The following LRP1B variants were observed in gnomAD, a reference collection of about 807,000 sequenced individuals.
LRP1B encodes LDL receptor related protein 1B, also known as low-density lipoprotein receptor-related protein 1B.
Under a neutral mutation model 556.6 loss-of-function variants are expected in LRP1B, and 217 were observed. The ratio of observed to expected loss-of-function variants is 0.39; its 90% CI spans 0.35 to 0.44. The LOEUF (loss-of-function observed/expected upper bound fraction) is 0.44. Among genes scored for constraint, LRP1B ranks in the 20% least tolerant of loss-of-function variants. The probability of loss-of-function intolerance (pLI) is 1.00; values close to 1 mark genes in which losing one functional copy is unlikely to be tolerated. For synonymous variants in LRP1B, 2,047 were observed against 1,865.8 expected (o/e 1.10, Z -2.50); for missense variants, 5,053 against 5,620.8 (o/e 0.90, Z 3.23).
intron 2 of LRP1B, among the ~76,000 whole-genome samples, chr2:141,570,469 T>C (rs1166988187): frequency 6.6e-6 from 1 of 151,240 alleles, no homozygotes; most frequent in Non-Finnish European, 1.5e-5. Context: ...GTCCCAACCT[T>C]GGATGGCACA....
chr2:140,824,935 C>A (rs531106468), intron 31 of LRP1B, among the ~76,000 whole-genome samples: 1 of 152,046 alleles, frequency 6.6e-6, no homozygotes, highest in African/African-American at 2.4e-5. Context: ...TACTTATGTG[C>A]CAAAATTGTG....
Position 141,679,041 on chromosome 2 carries a change from A to G in LRP1B, c.205+131238T>C, listed in dbSNP as rs78054565. ...TTTCTAACTCTCTTGCTTGCTTTGA[A>G]TGAAACCAACTGCCATATTGTCAGC... On this transcript the variant is annotated intron_variant, in intron 2 of 90. Transcript: ENST00000389484. 1.1e-3 allele frequency among the ~76,000 whole-genome samples: 171 copies of G among 152,290 alleles called. 5 individuals are homozygous for G. The East Asian group carries it at 0.032, about 28-fold the overall frequency.
chr2:140,703,482 G>C (rs908989146), intron 37 of LRP1B, among the ~76,000 whole-genome samples: 4 of 152,062 alleles, frequency 2.6e-5, no homozygotes. Context: ...TTAATTTGAA[G>C]TTACATCTAC....
At chr2:140,693,985 G>A (rs1686335754) in intron 41 of LRP1B, among the ~76,000 whole-genome samples, 1 of 152,180 alleles carries the variant, frequency 6.6e-6, no homozygotes, top group African/African-American at 2.4e-5. Flanking sequence ...CGGGATTACA[G>A]GCATGAGCCA....
intron 6 of LRP1B, among the ~76,000 whole-genome samples, chr2:141,210,042 C>A (rs1472109159): frequency 6.6e-6 from 1 of 151,240 alleles, no homozygotes; most frequent in African/African-American, 2.4e-5. Flanking sequence ...TTAAAATAAA[C>A]CTATAAGTCA....
intron 18 of LRP1B, among the ~76,000 whole-genome samples, chr2:140,981,897 T>C (rs1211397819): frequency 6.6e-6 from 1 of 152,162 alleles, no homozygotes; most frequent in Non-Finnish European, 1.5e-5. Context: ...AGCCGCGTAA[T>C]AACCACTTCC....
chr2:141,201,413 TCA>T (rs765189275), intron 6 of LRP1B, among the ~76,000 whole-genome samples: 1 of 152,092 alleles, frequency 6.6e-6, no homozygotes, highest in Admixed American at 6.6e-5. Context: ...ATTTTCTGAC[TCA>T]CAGTCATGGA....
rs370749129 is a variant in LRP1B, at chr2:140,429,394, C to A, written c.10414+13110G>T. On this transcript the variant is annotated intron_variant, in intron 66 of 90. Coordinates refer to ENST00000389484, the MANE Select transcript of LRP1B (RefSeq NM_018557.3). ...TATTCTGTTCTGGATCTCAAACATG[C>A]TTTCTTTACTATTCCTTTGCACCCT... Among the ~76,000 whole-genome samples the A allele has an allele frequency of 5.3e-5, 8 of 152,236 alleles. 1 individual carries two copies. Among genetic ancestry groups the A allele is most frequent in the African/African-American group, 1.9e-4 (8 of 41,524 alleles).
intron 43 of LRP1B, among the ~76,000 whole-genome samples, chr2:140,555,859 T>G (rs1680712655): frequency 6.6e-6 from 1 of 152,146 alleles, no homozygotes; most frequent in African/African-American, 2.4e-5. Flanking sequence ...TGAAAAGTTC[T>G]ACTAAGGGTA....
At position 141,937,909 on chromosome 2, in the gene LRP1B, A is replaced by G. The variant is rs185596705; in HGVS notation, c.83-127508T>C. ...GATCCAGTTTCATTCTTTTGCCTGT[A>G]GATAATCCAGTTTTCCTGAAACAAT... On this transcript the variant is annotated intron_variant, in intron 1 of 90. Transcript: ENST00000389484. Among the ~76,000 whole-genome samples, 12 of 152,276 alleles carry G rather than the reference A, an allele frequency of 7.9e-5. No individual in the cohort carries two copies. In the East Asian group the frequency reaches 2.1e-3, roughly 27 times the overall value.
At chr2:140,838,586 C>T (rs1317349197) in intron 31 of LRP1B, among the ~76,000 whole-genome samples, 1 of 152,060 alleles carries the variant, frequency 6.6e-6, no homozygotes, top group Admixed American at 6.6e-5. Context: ...CTTCAAGTAG[C>T]CCTAAATTTC....
At chr2:141,854,906 C>A (rs1488469627) in intron 1 of LRP1B, among the ~76,000 whole-genome samples, 1 of 152,090 alleles carries the variant, frequency 6.6e-6, no homozygotes, top group East Asian at 1.9e-4. Context: ...AAAAAATAGG[C>A]CTAGGCTTTG....
rs984166593 is a variant in LRP1B at position 140,366,641 on chromosome 2, C to A, written c.11009-1858G>T. 5.9e-5 allele frequency among the ~76,000 whole-genome samples: 9 copies of A among 151,506 alleles called. 1 individual carries two copies. The East Asian group carries it at 1.8e-3, about 30-fold the overall frequency. On this transcript the variant is annotated intron_variant, in intron 71 of 90. Coordinates refer to ENST00000389484, the MANE Select transcript of LRP1B (RefSeq NM_018557.3). ...ACAGAAATATCTGGAAAGAGTGATG[C>A]CAGACAATACATGGGAAAAGTGTTC...
chr2:141,775,730 A>C (rs528844988), intron 2 of LRP1B, among the ~76,000 whole-genome samples: 1 of 152,196 alleles, frequency 6.6e-6, no homozygotes, highest in Non-Finnish European at 1.5e-5. Context: ...TCTTAATTAC[A>C]TAATTGTCCT....
intron 66 of LRP1B, among the ~76,000 whole-genome samples, chr2:140,409,020 G>A (rs915529031): frequency 2.2e-4 from 33 of 151,866 alleles, no homozygotes; most frequent in African/African-American, 7.7e-4. Flanking sequence ...TCTGAAAGGA[G>A]CATTTATATT....
At chr2:141,519,405 A>ATATATATATATATAT (rs1559118227) in intron 2 of LRP1B, among the ~76,000 whole-genome samples, 18 of 25,690 alleles carry the variant, frequency 7.0e-4, no homozygotes, top group East Asian at 2.6e-3. Context: ...ATATATATGA[A>ATATATATATATATAT]ATGCAATATT....
intron 2 of LRP1B, among the ~76,000 whole-genome samples, chr2:141,795,261 C>CT (rs911996867): frequency 2.0e-5 from 3 of 151,964 alleles, no homozygotes; most frequent in East Asian, 1.9e-4. Context: ...ACCATTTATA[C>CT]TTTTTTTTAT....
chr2:140,398,797 C>G (rs984575801), intron 66 of LRP1B, among the ~76,000 whole-genome samples: 5 of 152,070 alleles, frequency 3.3e-5, no homozygotes, highest in African/African-American at 1.2e-4. Context: ...AAAATTTTCC[C>G]ATATTATTAT....
At chr2:141,279,796 T>C (rs1174507565) in intron 3 of LRP1B, among the ~76,000 whole-genome samples, 1 of 152,024 alleles carries the variant, frequency 6.6e-6, no homozygotes, top group Non-Finnish European at 1.5e-5. Flanking sequence ...GATAATACAA[T>C]AGGTTGTTTT....
Sources: allele counts gnomAD v4.1 joint callset (sites outside exome capture counted in the v4.1 genomes callset), GRCh38; gene constraint gnomAD v4.1.1; transcripts MANE v1.5; gene names NCBI Gene and HGNC (gene_info 2026-07-23, HGNC 2026-07-21).